INSL6: variants seen among roughly 807,000 people sequenced by gnomAD.
The protein encoded by INSL6 is insulin-like peptide INSL6.
A neutral mutation model predicts 9.4 loss-of-function variants in INSL6; 16 were observed. The observed-to-expected ratio is 1.70, with a 90% CI of 1.15 to 2.59. The LOEUF is 2.59. Among genes scored for constraint, INSL6 ranks in the 30% most tolerant of loss-of-function variants. The pLI is 0.00. For synonymous variants in INSL6, 154 were observed against 96.9 expected (o/e 1.59, Z -3.46); for missense variants, 391 against 257.3 (o/e 1.52, Z -3.56).
the INSL6 span, chr9:5,090,670 A>T: frequency 6.6e-7 from 1 of 1,523,858 alleles, no homozygotes; most frequent in Non-Finnish European, 8.8e-7. Context: ...AAGGGAATAT[A>T]TAGGGTTAAG....
chr9:5,003,618 A>T, the INSL6 span, among the ~76,000 whole-genome samples: 1 of 151,998 alleles, frequency 6.6e-6, no homozygotes, highest in Non-Finnish European at 1.5e-5. Flanking sequence ...ATTCTTTTAA[A>T]TTTCCTACAT....
the INSL6 span, chr9:5,110,663 T>C: frequency 4.1e-6 from 1 of 242,444 alleles, no homozygotes; most frequent in African/African-American, 2.3e-5. Context: ...CCACAAATAC[T>C]GTCATATACC....
At position 5,181,279 on chromosome 9, in the gene INSL6, T is replaced by C. The variant is rs187815785; in HGVS notation, c.289+4035A>G. On this transcript the variant is annotated intron_variant, in intron 1 of 1. Coordinates refer to ENST00000381641, the MANE Select transcript of INSL6 (RefSeq NM_007179.3). ...AACATTGAAGACTTGTCCTGCCAGA[T>C]AAATGACATCCTATAGAGTCACAGT... Among the ~76,000 whole-genome samples the C allele has an allele frequency of 2.6e-5, 4 of 152,274 alleles. No individual in the cohort carries two copies. The East Asian group carries it at 7.7e-4, about 29-fold the overall frequency.
chr9:5,089,729 G>T, the INSL6 span: 1 of 1,580,258 alleles, frequency 6.3e-7, no homozygotes, highest in Non-Finnish European at 8.6e-7. Context: ...GACAACACTG[G>T]GGAGGTGGTC....
the INSL6 span, among the ~76,000 whole-genome samples, chr9:5,020,618 ACTCAGGGTGCATGCAAATTTG>A: frequency 6.6e-6 from 1 of 152,062 alleles, no homozygotes; most frequent in African/African-American, 2.4e-5. Flanking sequence ...ATGAAGCTGT[ACTCAGGGTGCATGCAAATTTG>A]CATTTTGACA....
At chr9:5,027,392 T>C in the INSL6 span, among the ~76,000 whole-genome samples, 1 of 152,224 alleles carries the variant, frequency 6.6e-6, no homozygotes, top group Non-Finnish European at 1.5e-5. Context: ...TTAAAAATAC[T>C]TTATTGTCAA....
the INSL6 span, chr9:5,042,075 A>C: frequency 4.5e-6 from 1 of 220,426 alleles, no homozygotes. Flanking sequence ...CGGCGGCCCC[A>C]TCCCCGGGAC....
chr9:5,070,452 C>G, the INSL6 span, among the ~76,000 whole-genome samples: 3 of 152,032 alleles, frequency 2.0e-5, no homozygotes, highest in Admixed American at 1.3e-4. Context: ...TCCAGGACTA[C>G]CCATGGATAC....
At chr9:5,117,010 G>A in the INSL6 span, among the ~76,000 whole-genome samples, 1 of 152,232 alleles carries the variant, frequency 6.6e-6, no homozygotes, top group East Asian at 1.9e-4. Context: ...TGGGATTAAG[G>A]CCCTTATAAG....
the INSL6 span, chr9:5,085,878 G>T: frequency 1.3e-6 from 1 of 796,100 alleles, no homozygotes; most frequent in Non-Finnish European, 2.3e-6. Flanking sequence ...AAGTTCTGTT[G>T]TTGATATGAG....
At chr9:5,119,793 C>G (rs1456782431), downstream of INSL6, among the ~76,000 whole-genome samples, 6 of 151,964 alleles carry the variant, frequency 3.9e-5, no homozygotes, top group African/African-American at 1.5e-4. Flanking sequence ...TTCATATGTA[C>G]TTAATGAACA....
the INSL6 span, chr9:5,065,015 C>G: frequency 6.2e-7 from 1 of 1,601,416 alleles, no homozygotes; most frequent in South Asian, 1.1e-5. Context: ...TGAAAATATA[C>G]AAAGCAACTG....
At chr9:5,013,774 A>G in the INSL6 span, among the ~76,000 whole-genome samples, 2 of 152,298 alleles carry the variant, frequency 1.3e-5, no homozygotes, top group South Asian at 4.1e-4. Context: ...GTAGCACTTA[A>G]TTTTTAAAAT....
chr9:5,020,583 G>T, the INSL6 span, among the ~76,000 whole-genome samples: 5 of 152,276 alleles, frequency 3.3e-5, no homozygotes, highest in Non-Finnish European at 7.4e-5. Context: ...GTGCACTGCA[G>T]CTGCAGGTGG....
the INSL6 span, among the ~76,000 whole-genome samples, chr9:5,076,421 G>A: frequency 2.6e-5 from 4 of 152,274 alleles, no homozygotes; most frequent in East Asian, 7.7e-4. Context: ...ACCATGATCA[G>A]TCAGCAGCGA....
At chr9:5,014,140 T>C in the INSL6 span, among the ~76,000 whole-genome samples, 5 of 151,848 alleles carry the variant, frequency 3.3e-5, no homozygotes, top group South Asian at 8.3e-4. Context: ...GATTAAAATT[T>C]ATTATAACTT....
the INSL6 span, among the ~76,000 whole-genome samples, chr9:5,004,436 T>G: frequency 3.3e-5 from 5 of 152,204 alleles, no homozygotes; most frequent in African/African-American, 1.2e-4. Flanking sequence ...GTCTTCCAGG[T>G]TCATCCATGT....
the INSL6 span, among the ~76,000 whole-genome samples, chr9:4,998,201 C>T: frequency 6.6e-6 from 1 of 151,966 alleles, no homozygotes. Flanking sequence ...GTAATACAGG[C>T]TTGGAATATG....
At chr9:4,993,632 A>T in the INSL6 span, among the ~76,000 whole-genome samples, 1 of 151,960 alleles carries the variant, frequency 6.6e-6, no homozygotes, top group Non-Finnish European at 1.5e-5. Context: ...CATTTCTCTC[A>T]CTTTGCTTGA....
Sources: gnomAD v4.1 joint callset for allele counts (sites outside exome capture counted in the v4.1 genomes callset) on GRCh38, gnomAD v4.1.1 for gene constraint, MANE v1.5 for transcripts, NCBI Gene and HGNC (gene_info 2026-07-23, HGNC 2026-07-21) for gene names.